Variants in ANK2 observed in about 807,000 individuals in gnomAD.
The protein encoded by ANK2 is ankyrin 2, also known as ankyrin-2.
ANK2 carries 83 observed loss-of-function variants against 360.5 expected under a neutral mutation model. The observed-to-expected ratio is 0.23, with a 90% CI of 0.19 to 0.28. The LOEUF (loss-of-function observed/expected upper bound fraction) is 0.28. ANK2 is among the 10% of genes least tolerant of loss of function. The probability of loss-of-function intolerance (pLI) is 1.00; values close to 1 mark genes in which losing one functional copy is unlikely to be tolerated. For synonymous variants in ANK2, 1,740 were observed against 1,759.5 expected, an observed-to-expected ratio of 0.99 and a Z score of 0.28; for missense variants, 4,201 against 4,795.7, an observed-to-expected ratio of 0.88 and a Z score of 3.66.
the ANK2 span, among the ~76,000 whole-genome samples, chr4:112,745,769 G>T: frequency 1.3e-5 from 2 of 152,020 alleles, no homozygotes; most frequent in South Asian, 4.1e-4. Context: ...CTGACCTCCG[G>T]TGATCCACCT....
chr4:112,826,788 C>A, intron 1 of ANK2: 1 of 1,025,460 alleles, frequency 9.8e-7, no homozygotes, highest in South Asian at 1.4e-5. Context: ...AAATAAAATT[C>A]TGTTGCTTCA....
Position 113,353,206 on chromosome 4 carries a change from G to A in ANK2, c.4588G>A (p.Gly1530Ser). The change falls in exon 38 of 46, where the codon GGT becomes AGT. Residue 1530 changes from glycine to serine, a missense_variant. Coordinates refer to ENST00000357077, the MANE Select transcript of ANK2 (RefSeq NM_001148.6). ...ILTTDVSDKA[G>S]SIKVKELVKA... is the part of the protein sequence containing the mutation. ...GACCACAGATGTGTCTGATAAGGCA[G>A]GTTCTATTAAAGTGAAGGAGCTGGT... The A allele has an allele frequency of 6.2e-7, 1 of 1,614,036 alleles. No individual in the cohort carries two copies. Among genetic ancestry groups the A allele is most frequent in the Non-Finnish European group, 8.5e-7 (1 of 1,179,946 alleles).
Position 113,278,562 on chromosome 4 carries a change from AGG to A in ANK2, c.1881+5_1881+6del, listed in dbSNP as rs1227962634. On this transcript the variant is annotated splice_donor_5th_base_variant and intron_variant, in intron 17 of 45. Coordinates refer to ENST00000357077, the MANE Select transcript of ANK2 (RefSeq NM_001148.6). ...TTCCCCTCATGCCACTGCCAAGGTG[AGG>A]ACCACAGAAAAGGATTTACAGGCAT... The A allele has an allele frequency of 6.2e-7, 1 of 1,613,570 alleles. No homozygotes were observed.
At chr4:112,731,793 T>C in the ANK2 span, among the ~76,000 whole-genome samples, 1 of 152,078 alleles carries the variant, frequency 6.6e-6, no homozygotes, top group Non-Finnish European at 1.5e-5. Context: ...CATGTAATAC[T>C]CAAAGTGCAG....
chr4:113,233,509 G>A (rs1290685630), intron 5 of ANK2, among the ~76,000 whole-genome samples: 1 of 151,948 alleles, frequency 6.6e-6, no homozygotes, highest in Non-Finnish European at 1.5e-5. Context: ...GATGACTGGT[G>A]GATTCTTGTT....
At chr4:113,373,010 C>T in intron 43 of ANK2, 80 bp from the exon 44 acceptor site, 2 of 1,196,856 alleles carry the variant, frequency 1.7e-6, no homozygotes, top group South Asian at 1.2e-5. Context: ...TCTAACATTC[C>T]TCACATTATA....
At chr4:113,200,494 A>G (rs2098813990) in intron 4 of ANK2, among the ~76,000 whole-genome samples, 1 of 152,112 alleles carries the variant, frequency 6.6e-6, no homozygotes, top group Admixed American at 6.6e-5. Flanking sequence ...CCCCACTTTT[A>G]GAGTCCCTAG....
At chr4:113,226,666 T>C (rs1410047023) in intron 4 of ANK2, among the ~76,000 whole-genome samples, 1 of 152,224 alleles carries the variant, frequency 6.6e-6, no homozygotes, top group Non-Finnish European at 1.5e-5. Context: ...ATTTTGTCTC[T>C]GAATCATTAG....
intron 26 of ANK2, among the ~76,000 whole-genome samples, chr4:113,324,781 C>A (rs2088811093): frequency 6.6e-6 from 1 of 152,146 alleles, no homozygotes; most frequent in Admixed American, 6.6e-5. Context: ...ATATGAGGAT[C>A]ACTGAAGCAC....
chr4:112,749,796 A>G, the ANK2 span, among the ~76,000 whole-genome samples: 1 of 151,970 alleles, frequency 6.6e-6, no homozygotes, highest in Non-Finnish European at 1.5e-5. Context: ...ACCAGGCTGG[A>G]GTGCAGTGGC....
At chr4:112,928,313 G>A (rs367611833) in intron 2 of ANK2, among the ~76,000 whole-genome samples, 13 of 151,772 alleles carry the variant, frequency 8.6e-5, no homozygotes, top group East Asian at 7.7e-4. Context: ...TAGAAAAATA[G>A]TATGGTACTA....
At chr4:113,240,026 G>A (rs1378229249) in intron 7 of ANK2, among the ~76,000 whole-genome samples, 1 of 152,030 alleles carries the variant, frequency 6.6e-6, no homozygotes, top group South Asian at 2.1e-4. Context: ...GCTTCCAAAA[G>A]TATAATGTCA....
chr4:113,344,882 A>C (rs1167724934), intron 34 of ANK2, among the ~76,000 whole-genome samples: 1 of 152,142 alleles, frequency 6.6e-6, no homozygotes, highest in Non-Finnish European at 1.5e-5. Flanking sequence ...TAAAGATAGA[A>C]AGTAGAAGAG....
chr4:112,715,653 G>A, the ANK2 span, among the ~76,000 whole-genome samples: 1 of 152,108 alleles, frequency 6.6e-6, no homozygotes, highest in Non-Finnish European at 1.5e-5. Context: ...CCTTTTGATT[G>A]TTCAGTCGCC....
chr4:113,016,031 T>G (rs936695751), intron 2 of ANK2, among the ~76,000 whole-genome samples: 2 of 147,700 alleles, frequency 1.4e-5, no homozygotes, highest in East Asian at 3.9e-4. Flanking sequence ...TTTCAAAAAT[T>G]TTTTTTTTCT....
chr4:113,169,661 TTAG>T, intron 1 of ANK2, among the ~76,000 whole-genome samples: 1 of 152,318 alleles, frequency 6.6e-6, no homozygotes, highest in East Asian at 1.9e-4. Flanking sequence ...GGTCACCGTT[TTAG>T]ACAAGTGGTT....
chr4:113,016,363 G>A (rs913892078), intron 2 of ANK2, among the ~76,000 whole-genome samples: 5 of 152,036 alleles, frequency 3.3e-5, no homozygotes, highest in South Asian at 2.1e-4. Context: ...TTCTTCACCC[G>A]CCAAGTTTCT....
chr4:113,183,999 C>A (rs2098466019), intron 2 of ANK2, among the ~76,000 whole-genome samples: 1 of 150,260 alleles, frequency 6.7e-6, no homozygotes, highest in African/African-American at 2.4e-5. Flanking sequence ...AAATAGAGCT[C>A]CCCCAAGTTC....
At chr4:112,973,728 C>A (rs918199727) in intron 2 of ANK2, among the ~76,000 whole-genome samples, 11 of 152,150 alleles carry the variant, frequency 7.2e-5, no homozygotes, top group Non-Finnish European at 1.3e-4. Context: ...TTTCTTCAGT[C>A]CAAATGGTCA....
Sources: gnomAD v4.1 joint callset for allele counts (sites outside exome capture counted in the v4.1 genomes callset) on GRCh38, gnomAD v4.1.1 for gene constraint, MANE v1.5 for transcripts, NCBI Gene and HGNC (gene_info 2026-07-23, HGNC 2026-07-21) for gene names.